Variants in COL13A1 observed in about 807,000 individuals in gnomAD.
COL13A1 encodes collagen alpha-1(XIII) chain.
A neutral mutation model predicts 130.9 loss-of-function variants in COL13A1; 89 were observed. The observed-to-expected ratio is 0.68, with a 90% confidence interval of 0.57 to 0.81. COL13A1 has a LOEUF of 0.81. COL13A1 is among the 30% of genes least tolerant of loss of function. The probability of loss-of-function intolerance (pLI) is 0.00; values close to 1 mark genes in which losing one functional copy is unlikely to be tolerated. For synonymous variants in COL13A1, 402 were observed against 341.6 expected, an observed-to-expected ratio of 1.18 and a Z score of -1.95; for missense variants, 879 against 934.6, an observed-to-expected ratio of 0.94 and a Z score of 0.78.
chr10:69,819,854 T>C (rs1388614455), intron 1 of COL13A1, among the ~76,000 whole-genome samples: 1 of 152,114 alleles, frequency 6.6e-6, no homozygotes, highest in Non-Finnish European at 1.5e-5. Context: ...GCCCCCCACA[T>C]TCCTATCCCA....
rs55816117 is a variant in COL13A1, at chr10:69,810,347, T to TGAGAGA, written c.294+7659_294+7664dup. On this transcript the variant is annotated intron_variant, in intron 1 of 40. Coordinates refer to ENST00000645393, the MANE Select transcript of COL13A1 (RefSeq NM_001368882.1). ...GGCTGGACCTGGCAGGCCCTGAGAA[T>TGAGAGA]GAGAGAGAGAGAGAGAGAGAGAGAG... 9.3e-4 allele frequency among the ~76,000 whole-genome samples: 111 copies of TGAGAGA among 119,762 alleles called. 4 individuals are homozygous for TGAGAGA. Among genetic ancestry groups the TGAGAGA allele is most frequent in the Non-Finnish European group, 1.0e-3 (57 of 55,394 alleles). 78.6% of individuals were successfully genotyped at this position (119,762 alleles called of 152,430 possible).
chr10:69,958,059 C>T (rs887568053), intron 40 of COL13A1, among the ~76,000 whole-genome samples: 3 of 152,096 alleles, frequency 2.0e-5, no homozygotes, highest in Admixed American at 6.5e-5. Flanking sequence ...CCCAGGCCAA[C>T]GCTGACCACC....
At chr10:69,816,941 A>T (rs1844705533) in intron 1 of COL13A1, among the ~76,000 whole-genome samples, 1 of 151,970 alleles carries the variant, frequency 6.6e-6, no homozygotes, top group South Asian at 2.1e-4. Flanking sequence ...TCAAAAGAGG[A>T]TTATTCTCTT....
chr10:69,830,411 C>A (rs1476662520), intron 2 of COL13A1, among the ~76,000 whole-genome samples: 1 of 152,176 alleles, frequency 6.6e-6, no homozygotes, highest in Non-Finnish European at 1.5e-5. Context: ...ACACAGTAAA[C>A]AGGATAAACG....
intron 13 of COL13A1, among the ~76,000 whole-genome samples, chr10:69,895,836 T>G (rs1187826372): frequency 6.6e-6 from 1 of 152,194 alleles, no homozygotes; most frequent in African/African-American, 2.4e-5. Flanking sequence ...TCCGCCCCTT[T>G]GTACGTACGT....
intron 2 of COL13A1, among the ~76,000 whole-genome samples, chr10:69,850,265 C>T (rs12358293): frequency 0.096 from 14,384 of 149,934 alleles, 782 homozygotes; most frequent in South Asian, 0.13. Context: ...CGACACAGTA[C>T]GATACAGGGC....
rs1327573111 is a variant in COL13A1, at chr10:69,902,793, G to T, written c.796G>T (p.Gly266Cys). 1.7e-5 allele frequency: 26 copies of T among 1,554,292 alleles called. No individual in the cohort carries two copies. The highest frequency in any genetic ancestry group is 2.3e-5 in the Non-Finnish European group (26 of 1,148,652). Residue 266 changes from glycine (G) to cysteine (C), a missense_variant, in exon 15 of 41, where the codon GGC becomes TGC. Gly to Cys is a radical substitution (Grantham distance 159, BLOSUM62 -3). Transcript: ENST00000645393. ...CATCCAAGGTCCACCAGGGCCCCCA[G>T]GCCCCCCTGGACCAAGTGGACCTCT... ...ASIQGPPGPPGPPGPSGPLGH... is the reference protein window; with the variant it reads ...ASIQGPPGPPCPPGPSGPLGH...
chr10:69,891,008 C>T (rs1022819112), intron 10 of COL13A1, among the ~76,000 whole-genome samples: 1 of 152,208 alleles, frequency 6.6e-6, no homozygotes, highest in African/African-American at 2.4e-5. Flanking sequence ...TTCCCTCACT[C>T]TTTGTCAGCC....
chr10:69,827,420 G>A lies in COL13A1; in HGVS notation c.364+4982G>A, dbSNP rs905073553. Among the ~76,000 whole-genome samples the A allele has an allele frequency of 2.0e-5, 3 of 152,216 alleles. No individual in the cohort carries two copies. In the East Asian group the frequency reaches 5.8e-4, roughly 29 times the overall value. On this transcript the variant is annotated intron_variant, in intron 2 of 40. Transcript: ENST00000645393. ...AGGTTCAGCAGAAAATGTGGTAATT[G>A]CTTATTGATGTCTGCTCTGGATACA...
intron 2 of COL13A1, among the ~76,000 whole-genome samples, chr10:69,862,991 T>A (rs551923964): frequency 1.3e-5 from 2 of 152,146 alleles, no homozygotes; most frequent in Admixed American, 1.3e-4. Context: ...AAGAATGGGA[T>A]CCCAAGAGTT....
intron 40 of COL13A1, among the ~76,000 whole-genome samples, chr10:69,957,492 A>G (rs2070990582): frequency 6.6e-6 from 1 of 151,172 alleles, no homozygotes. Context: ...CCACTCTACC[A>G]CTCCCCTTGC....
intron 24 of COL13A1, 132 bp downstream of exon 24, chr10:69,923,987 T>C (rs955427814): frequency 1.6e-6 from 2 of 1,276,390 alleles, no homozygotes; most frequent in African/African-American, 3.0e-5. Context: ...CTTCCCTAAT[T>C]CCTGGTTGGC....
At chr10:69,829,027 G>A (rs930522380) in intron 2 of COL13A1, among the ~76,000 whole-genome samples, 1 of 152,030 alleles carries the variant, frequency 6.6e-6, no homozygotes, top group African/African-American at 2.4e-5. Context: ...TGCCATCTCC[G>A]CCTGGATCCT....
chr10:69,945,232 G>A (rs867768360), intron 36 of COL13A1, among the ~76,000 whole-genome samples: 3 of 152,250 alleles, frequency 2.0e-5, no homozygotes, highest in Non-Finnish European at 4.4e-5. Context: ...GGGAGGGCAG[G>A]AGCTTCTGCA....
chr10:69,870,886 T>G (rs1461253688), intron 3 of COL13A1, among the ~76,000 whole-genome samples: 1 of 151,800 alleles, frequency 6.6e-6, no homozygotes, highest in East Asian at 2.0e-4. Context: ...TGCAGTGAGG[T>G]AGGAGCACGC....
At chr10:69,852,708 G>A (rs984879169) in intron 2 of COL13A1, among the ~76,000 whole-genome samples, 36 of 152,256 alleles carry the variant, frequency 2.4e-4, no homozygotes, top group Admixed American at 6.5e-5. Flanking sequence ...GCAAGTACAA[G>A]GGTGGCGCCA....
intron 18 of COL13A1, among the ~76,000 whole-genome samples, chr10:69,917,888 C>T (rs2064122826): frequency 6.6e-6 from 1 of 152,028 alleles, no homozygotes; most frequent in African/African-American, 2.4e-5. Context: ...CGTGGCTTTC[C>T]ATTCTCCTGC....
chr10:69,933,149 A>C (rs986693887), intron 31 of COL13A1, among the ~76,000 whole-genome samples: 3 of 141,752 alleles, frequency 2.1e-5, no homozygotes, highest in African/African-American at 5.7e-5. Flanking sequence ...AAAAAAAAAA[A>C]AAAAAAAAAA....
At chr10:69,953,764 CAGAGCACAAAG>C (rs1344135346) in intron 39 of COL13A1, among the ~76,000 whole-genome samples, 1 of 152,152 alleles carries the variant, frequency 6.6e-6, no homozygotes, top group Non-Finnish European at 1.5e-5. Flanking sequence ...CTGAACTCTC[CAGAGCACAAAG>C]AGAGCACAAA....
Sources: gnomAD v4.1 joint callset for allele counts (sites outside exome capture counted in the v4.1 genomes callset) on GRCh38, gnomAD v4.1.1 for gene constraint, MANE v1.5 for transcripts, NCBI Gene and HGNC (gene_info 2026-07-23, HGNC 2026-07-21) for gene names.